Variants in SLC25A37 observed in about 807,000 individuals in gnomAD.
SLC25A37 encodes the protein mitoferrin-1.
SLC25A37 carries 17 observed loss-of-function variants against 31.0 expected under a neutral mutation model. The observed-to-expected ratio is 0.55, with a 90% confidence interval of 0.38 to 0.82. SLC25A37 has a LOEUF of 0.82. SLC25A37 is among the 40% of genes least tolerant of loss of function. The pLI is 0.00. For synonymous variants in SLC25A37, 222 were observed against 193.0 expected (o/e 1.15, Z -1.24); for missense variants, 404 against 465.8 (o/e 0.87, Z 1.22).
chr8:23,535,639 A>G (rs890032551), intron 1 of SLC25A37, among the ~76,000 whole-genome samples: 5 of 152,198 alleles, frequency 3.3e-5, no homozygotes, highest in African/African-American at 1.2e-4. Context: ...GTCTGTTTTC[A>G]AGCTGCTGAT....
At position 23,571,570 on chromosome 8, in the gene SLC25A37, C is replaced by CGG; in HGVS notation, c.735_736dup (p.Ala246GlyfsTer18). 6.2e-7 allele frequency: 1 copy of CGG among 1,613,584 alleles called. No homozygotes were observed. The highest frequency in any genetic ancestry group is 8.5e-7 in the Non-Finnish European group (1 of 1,179,780). ...CCCACATCATCTCAGGCGGGCTGGCCGGGGCCCTCGCCGCGGCCGCCACGA... is the reference window on the plus strand; with the variant it reads ...CCCACATCATCTCAGGCGGGCTGGCCGGGGGGCCCTCGCCGCGGCCGCCACGA... On this transcript the variant is annotated frameshift_variant, in exon 4 of 4. Coordinates refer to ENST00000519973, the MANE Select transcript of SLC25A37 (RefSeq NM_016612.4). LOFTEE classifies it high-confidence loss of function.
chr8:23,564,960 T>C (rs1319185212), intron 1 of SLC25A37, among the ~76,000 whole-genome samples: 2 of 152,110 alleles, frequency 1.3e-5, no homozygotes, highest in Non-Finnish European at 2.9e-5. Flanking sequence ...TACTTAGAAA[T>C]TGAGAGATTT....
intron 1 of SLC25A37, among the ~76,000 whole-genome samples, chr8:23,544,847 G>C (rs1801993790): frequency 6.6e-6 from 1 of 152,148 alleles, no homozygotes; most frequent in South Asian, 2.1e-4. Flanking sequence ...TCTCCTCTCT[G>C]TTCTGAAATC....
chr8:23,545,842 A>G (rs73555522), intron 1 of SLC25A37, among the ~76,000 whole-genome samples: 109 of 152,178 alleles, frequency 7.2e-4, no homozygotes, highest in African/African-American at 2.6e-3. Flanking sequence ...CTAAAAATAA[A>G]AATAAAAAAA....
chr8:23,545,434 TGA>T (rs1331787240), intron 1 of SLC25A37, among the ~76,000 whole-genome samples: 1 of 152,228 alleles, frequency 6.6e-6, no homozygotes, highest in Non-Finnish European at 1.5e-5. Flanking sequence ...CTGGAGTCCA[TGA>T]TAGTCCAGGG....
chr8:23,563,247 C>T (rs1036371612), intron 1 of SLC25A37, among the ~76,000 whole-genome samples: 1 of 151,706 alleles, frequency 6.6e-6, no homozygotes, highest in Non-Finnish European at 1.5e-5. Flanking sequence ...AGTGCAGTGG[C>T]ACAAACATAG....
intron 1 of SLC25A37, among the ~76,000 whole-genome samples, chr8:23,557,811 G>A (rs1424061843): frequency 6.6e-6 from 1 of 152,236 alleles, no homozygotes; most frequent in African/African-American, 2.4e-5. Flanking sequence ...ACAGACAAGA[G>A]AAAACACTGG....
At chr8:23,541,868 T>A (rs1042007456) in intron 1 of SLC25A37, 2 of 152,246 alleles carry the variant, frequency 1.3e-5, no homozygotes, top group Admixed American at 6.5e-5. Flanking sequence ...TGCGTGTATA[T>A]ACATATGAGG....
intron 1 of SLC25A37, among the ~76,000 whole-genome samples, chr8:23,552,471 G>T (rs1476306395): frequency 6.6e-6 from 1 of 152,168 alleles, no homozygotes; most frequent in Non-Finnish European, 1.5e-5. Flanking sequence ...TGGCTGGCGT[G>T]GGGTAGAAGC....
intron 3 of SLC25A37, among the ~76,000 whole-genome samples, chr8:23,570,457 A>G (rs534006615): frequency 4.6e-5 from 7 of 152,304 alleles, no homozygotes; most frequent in South Asian, 2.1e-4. Flanking sequence ...AAGTAGTTCA[A>G]TGAAAAACCT....
At position 23,571,977 on chromosome 8, in the gene SLC25A37, C is replaced by G; in HGVS notation, c.*122C>G. The G allele has an allele frequency of 8.9e-7, 1 of 1,118,434 alleles. No individual in the cohort carries two copies. The highest frequency in any genetic ancestry group is 1.3e-6 in the Non-Finnish European group (1 of 788,076). 69.3% of individuals were successfully genotyped at this position (1,118,434 alleles called of 1,614,324 possible). ...TGCTGCCTATGGGCCCTCTGCTCCC[C>G]AATGCCTTAGAGAGAGGAGGGGACG... is the stretch of plus-strand genomic sequence containing the variant. On this transcript the variant is annotated 3_prime_UTR_variant, in exon 4 of 4. Transcript: ENST00000519973.
At chr8:23,558,683 C>G (rs1438865306) in intron 1 of SLC25A37, among the ~76,000 whole-genome samples, 3 of 152,184 alleles carry the variant, frequency 2.0e-5, no homozygotes, top group African/African-American at 7.2e-5. Flanking sequence ...GAGTTCATAT[C>G]ACTGGGAGTT....
At chr8:23,548,121 C>G (rs1392354168) in intron 1 of SLC25A37, among the ~76,000 whole-genome samples, 1 of 152,202 alleles carries the variant, frequency 6.6e-6, no homozygotes, top group South Asian at 2.1e-4. Flanking sequence ...TTTGCATTTC[C>G]TGTAGATTTC....
At chr8:23,534,852 T>C (rs1207248061) in intron 1 of SLC25A37, among the ~76,000 whole-genome samples, 1 of 152,212 alleles carries the variant, frequency 6.6e-6, no homozygotes, top group Non-Finnish European at 1.5e-5. Flanking sequence ...CTCATCTTTA[T>C]CTTCATCATC....
intron 1 of SLC25A37, among the ~76,000 whole-genome samples, chr8:23,555,700 G>T (rs987222462): frequency 1.3e-5 from 2 of 152,192 alleles, no homozygotes; most frequent in Non-Finnish European, 2.9e-5. Flanking sequence ...AGATGACCAG[G>T]AGGTCAGACT....
Position 23,571,348 on chromosome 8 carries a change from C to G in SLC25A37, c.510C>G (p.Arg170=). 3 of 1,589,412 alleles carry G rather than the reference C, an allele frequency of 1.9e-6. No homozygotes were observed. The highest frequency in any genetic ancestry group is 2.6e-6 in the Non-Finnish European group (3 of 1,167,024). The change falls in exon 4 of 4, where the codon CGC becomes CGG. Residue 170 remains arginine (R), a synonymous_variant. Transcript: ENST00000519973. ...VMNPAEVVKQ[R]LQMYNSQHRS... ...TTCCAACCACAGTGGTGAAGCAGCGCTTGCAGATGTACAACTCGCAGCACC... is the reference window on the plus strand; with the variant it reads ...TTCCAACCACAGTGGTGAAGCAGCGGTTGCAGATGTACAACTCGCAGCACC...
chr8:23,546,553 AGTG>A (rs1482367494), intron 1 of SLC25A37, among the ~76,000 whole-genome samples: 3,071 of 16,596 alleles, frequency 0.19, 133 homozygotes, highest in African/African-American at 0.39. Flanking sequence ...ATATATATAT[AGTG>A]TATATATATA....
At chr8:23,535,402 C>T (rs1801745921) in intron 1 of SLC25A37, among the ~76,000 whole-genome samples, 1 of 152,190 alleles carries the variant, frequency 6.6e-6, no homozygotes, top group Non-Finnish European at 1.5e-5. Context: ...CTCAATCAAA[C>T]CCATCTTCCT....
intron 1 of SLC25A37, among the ~76,000 whole-genome samples, chr8:23,540,387 G>C (rs1177391910): frequency 2.0e-5 from 3 of 152,166 alleles, no homozygotes; most frequent in Admixed American, 1.3e-4. Context: ...ATGGGGCCCA[G>C]CTGCATTGTT....
Sources: allele counts gnomAD v4.1 joint callset (sites outside exome capture counted in the v4.1 genomes callset), GRCh38; gene constraint gnomAD v4.1.1; transcripts MANE v1.5; gene names NCBI Gene and HGNC (gene_info 2026-07-23, HGNC 2026-07-21).